Variants in ZMYM4 observed in about 807,000 individuals in gnomAD.
ZMYM4 encodes the protein zinc finger MYM-type protein 4.
ZMYM4 carries 31 observed loss-of-function variants against 183.2 expected under a neutral mutation model. The observed-to-expected ratio is 0.17, with a 90% CI of 0.13 to 0.23. The LOEUF is 0.23. ZMYM4 is among the 10% of genes least tolerant of loss of function. The probability of loss-of-function intolerance (pLI) is 1.00; values close to 1 mark genes in which losing one functional copy is unlikely to be tolerated. For synonymous variants in ZMYM4, 592 were observed against 631.2 expected (o/e 0.94, Z 0.93); for missense variants, 1,273 against 1,840.3 (o/e 0.69, Z 5.64).
chr1:35,421,320 G>A lies in ZMYM4; in HGVS notation c.*1643G>A, dbSNP rs1260834944. 1.3e-5 allele frequency: 2 copies of A among 152,512 alleles called. No homozygotes were observed. The highest frequency in any genetic ancestry group is 2.1e-4 in the South Asian group (1 of 4,824). 9.4% of individuals were successfully genotyped at this position (152,512 alleles called of 1,614,324 possible). ...TGTATGAAAGAAGTAAATCCACCCC[G>A]ATTCTGTATGATTAATTCCATCTGT... On this transcript the variant is annotated 3_prime_UTR_variant, in exon 30 of 30. Coordinates refer to ENST00000314607, the MANE Select transcript of ZMYM4 (RefSeq NM_005095.3).
chr1:35,405,369 T>A lies in ZMYM4; in HGVS notation c.3701-4T>A. The A allele has an allele frequency of 1.3e-6, 2 of 1,599,408 alleles. No homozygotes were observed. The highest frequency in any genetic ancestry group is 1.7e-6 in the Non-Finnish European group (2 of 1,176,498). ...CTTTTCTTTTATGTTTCTCTCCTTG[T>A]CAGGGGTTGAACAGGCCTCATCTAG... On this transcript the variant is annotated splice_region_variant and splice_polypyrimidine_tract_variant and intron_variant, in intron 24 of 29. Coordinates refer to ENST00000314607, the MANE Select transcript of ZMYM4 (RefSeq NM_005095.3).
chr1:35,329,447 G>C (rs1245829075), intron 2 of ZMYM4, among the ~76,000 whole-genome samples: 1 of 152,160 alleles, frequency 6.6e-6, no homozygotes, highest in Non-Finnish European at 1.5e-5. Flanking sequence ...AATATATTCA[G>C]ATAGTTGCTT....
Position 35,357,316 on chromosome 1 carries a change from A to G in ZMYM4, c.86-1609A>G, listed in dbSNP as rs190659183. On this transcript the variant is annotated intron_variant, in intron 2 of 29. Coordinates refer to ENST00000314607, the MANE Select transcript of ZMYM4 (RefSeq NM_005095.3). Reference sequence around the variant, plus strand: ...AGAGAAGGGTTGAAGAACCAGCCACATGAAGGATGTAACTGGGCTTCAGGA... The same window carrying G: ...AGAGAAGGGTTGAAGAACCAGCCACGTGAAGGATGTAACTGGGCTTCAGGA... 2.0e-4 allele frequency among the ~76,000 whole-genome samples: 31 copies of G among 152,348 alleles called. No homozygotes were observed. The East Asian group carries it at 5.0e-3, about 25-fold the overall frequency.
At chr1:35,287,629 G>A (rs1273618707) in intron 1 of ZMYM4, among the ~76,000 whole-genome samples, 2 of 151,146 alleles carry the variant, frequency 1.3e-5, no homozygotes, top group East Asian at 1.9e-4. Context: ...TTTGGGGGAC[G>A]GAGTCTTGCT....
chr1:35,343,573 T>C (rs1246646188), intron 2 of ZMYM4, among the ~76,000 whole-genome samples: 2 of 152,140 alleles, frequency 1.3e-5, no homozygotes, highest in African/African-American at 4.8e-5. Context: ...TTATATTAAA[T>C]CAGAAGTTTG....
chr1:35,419,311 G>A (rs1640241838), intron 29 of ZMYM4, among the ~76,000 whole-genome samples, 159 bp from the exon 30 acceptor site: 1 of 151,978 alleles, frequency 6.6e-6, no homozygotes, highest in Non-Finnish European at 1.5e-5. Context: ...AAGGTTGAGA[G>A]CCATATTAGG....
intron 1 of ZMYM4, among the ~76,000 whole-genome samples, chr1:35,281,283 CAA>C (rs140464833): frequency 7.3e-5 from 8 of 109,554 alleles, no homozygotes; most frequent in Admixed American, 1.9e-4. Flanking sequence ...GACTCCATCT[CAA>C]AAAAAAAAAA....
rs1558099646 is a variant in ZMYM4 at position 35,370,059 on chromosome 1, C to G, written c.871C>G (p.Gln291Glu). The change falls in exon 6 of 30, where the codon CAA becomes GAA. Residue 291 changes from glutamine (Q) to glutamate (E), a missense_variant. Around this residue, in one of 6 missense-constraint regions of ZMYM4, gnomAD observed 384 missense variants for 465.6 expected, o/e 0.82. Coordinates refer to ENST00000314607, the MANE Select transcript of ZMYM4 (RefSeq NM_005095.3). ...EYSHGQQQKT[Q>E]EGELKISAVF... is the part of the protein sequence containing the mutation. ...TAGTCATGGCCAACAGCAAAAAACT[C>G]AAGAGGGGGAACTGAAAATTAGTGC... The G allele has an allele frequency of 6.2e-7, 1 of 1,613,218 alleles. No individual in the cohort carries two copies. Among genetic ancestry groups the G allele is most frequent in the Admixed American group, 1.7e-5 (1 of 59,988 alleles).
chr1:35,402,116 TAA>T (rs35016137), intron 23 of ZMYM4, among the ~76,000 whole-genome samples: 2,422 of 124,702 alleles, frequency 0.019, 58 homozygotes, highest in African/African-American at 0.061. Flanking sequence ...TCAATTTCTT[TAA>T]AAAAAAAAAA....
intron 2 of ZMYM4, among the ~76,000 whole-genome samples, chr1:35,347,809 G>A (rs931083976): frequency 1.3e-5 from 2 of 151,992 alleles, no homozygotes; most frequent in African/African-American, 4.8e-5. Flanking sequence ...GCAATTATTG[G>A]CAAAAATGAC....
chr1:35,271,208 T>C (rs1331839396), intron 1 of ZMYM4, among the ~76,000 whole-genome samples: 3 of 152,188 alleles, frequency 2.0e-5, no homozygotes, highest in Admixed American at 6.5e-5. Flanking sequence ...AATGTTGTCA[T>C]TCACCTTCTG....
intron 5 of ZMYM4, 93 bp downstream of exon 5, chr1:35,361,882 G>C: frequency 6.8e-7 from 1 of 1,470,592 alleles, no homozygotes; most frequent in Non-Finnish European, 9.1e-7. Context: ...GAAATAGTTT[G>C]TTGACAGGGT....
intron 18 of ZMYM4, 74 bp from the exon 19 acceptor site, chr1:35,396,478 T>A: frequency 6.3e-7 from 1 of 1,582,416 alleles, no homozygotes; most frequent in Non-Finnish European, 8.6e-7. Flanking sequence ...TCCATAAGCT[T>A]TTTTATTTTG....
rs79025269 is a variant in ZMYM4, at chr1:35,418,052, G to A, written c.4310-391G>A. Among the ~76,000 whole-genome samples, 25 of 151,828 alleles carry A rather than the reference G, an allele frequency of 1.6e-4. No homozygotes were observed. The East Asian group carries it at 4.5e-3, about 27-fold the overall frequency. ...GGCAACTTCTGTCTTGATCTCTACT[G>A]TAGGAGAAAAACATGTGGAACCCTT... is the stretch of plus-strand genomic sequence containing the variant. On this transcript the variant is annotated intron_variant, in intron 28 of 29. Coordinates refer to ENST00000314607, the MANE Select transcript of ZMYM4 (RefSeq NM_005095.3).
chr1:35,269,112 C>G, intron 1 of ZMYM4, 27 bp downstream of exon 1: 1 of 1,543,344 alleles, frequency 6.5e-7, no homozygotes, highest in Non-Finnish European at 8.7e-7. Flanking sequence ...AGAACTCGGG[C>G]GGCGGGGGGC....
At chr1:35,411,959 T>C (rs1639920439) in intron 26 of ZMYM4, among the ~76,000 whole-genome samples, 1 of 152,140 alleles carries the variant, frequency 6.6e-6, no homozygotes, top group African/African-American at 2.4e-5. Flanking sequence ...CTCAGCTCAC[T>C]GCAAGCTCCG....
chr1:35,393,717 C>G lies in ZMYM4; in HGVS notation c.2889C>G (p.Thr963=), dbSNP rs960966479. 1 of 1,608,752 alleles carries G rather than the reference C, an allele frequency of 6.2e-7. No homozygotes were observed. Among genetic ancestry groups the G allele is most frequent in the African/African-American group, 1.3e-5 (1 of 74,684 alleles). The change falls in exon 18 of 30, where the codon ACC becomes ACG. Residue 963 remains threonine (T), a synonymous_variant. Transcript: ENST00000314607. The part of the protein sequence containing the change: ...QTKATSCKPH[T]QNKECQTEDT... ...AAGCCACCTCTTGCAAACCACATACCCAAAACAAAGAATGCCAGACAGGTA... is the reference window on the plus strand; with the variant it reads ...AAGCCACCTCTTGCAAACCACATACGCAAAACAAAGAATGCCAGACAGGTA...
chr1:35,387,458 A>G lies in ZMYM4; in HGVS notation c.2117A>G (p.Lys706Arg), dbSNP rs1334503530. The change falls in exon 13 of 30, where the codon AAA (lysine) becomes AGA (arginine). Residue 706 changes from lysine to arginine, a missense_variant. By Grantham distance (26) the Lys-to-Arg change is conservative. Around this residue, in one of 6 missense-constraint regions of ZMYM4, gnomAD observed 319 missense variants for 518.1 expected, o/e 0.62. Transcript: ENST00000314607. The part of the protein sequence containing the change: ...TKPELLDYKG[K>R]MFQFCGKNCS... ...TTAATGATTATTTCTTTGCAGGGCA[A>G]AATGTTTCAGTTCTGTGGCAAGAAT... The G allele has an allele frequency of 1.9e-6, 3 of 1,604,464 alleles. No homozygotes were observed. Among genetic ancestry groups the G allele is most frequent in the South Asian group, 1.1e-5 (1 of 88,824 alleles).
At chr1:35,277,019 A>G (rs1557890964) in intron 1 of ZMYM4, among the ~76,000 whole-genome samples, 1 of 152,196 alleles carries the variant, frequency 6.6e-6, no homozygotes, top group East Asian at 1.9e-4. Context: ...GATTTGGCTG[A>G]TTGAATCCTT....
Sources: gnomAD v4.1 joint callset for allele counts (sites outside exome capture counted in the v4.1 genomes callset) on GRCh38, gnomAD v4.1.1 for gene constraint, gnomAD v4.1.1 regional missense constraint, MANE v1.5 for transcripts, NCBI Gene and HGNC (gene_info 2026-07-23, HGNC 2026-07-21) for gene names.